FBXO31: variants seen among roughly 807,000 people sequenced by gnomAD.
FBXO31 encodes the protein F-box protein 31.
In FBXO31, 24 loss-of-function variants were observed where a neutral mutation model predicts 54.4. The observed-to-expected ratio is 0.44, with a 90% CI of 0.32 to 0.62. The LOEUF is 0.62. Among genes scored for constraint, FBXO31 ranks in the 20% least tolerant of loss-of-function variants. FBXO31 has a pLI of 0.05. For synonymous variants in FBXO31, 388 were observed against 335.6 expected (o/e 1.16, Z -1.71); for missense variants, 665 against 787.1 (o/e 0.84, Z 1.86).
chr16:87,337,452 G>A lies in FBXO31; in HGVS notation c.733-1188C>T, dbSNP rs543677539. 3.9e-5 allele frequency among the ~76,000 whole-genome samples: 6 copies of A among 152,278 alleles called. No homozygotes were observed. The South Asian group carries it at 1.0e-3, about 26-fold the overall frequency. ...ACTCGCCAAGTCTGAAATTCCTACG[G>A]AAAAGCAAAGAACTGGGACAGACAG... On this transcript the variant is annotated intron_variant, in intron 5 of 8. Transcript: ENST00000311635.
rs147472762 is a variant in FBXO31 at position 87,352,477 on chromosome 16, G to C, written c.413-5227C>G. On this transcript the variant is annotated intron_variant, in intron 2 of 8. Transcript: ENST00000311635. The stretch of plus-strand genomic sequence containing the variant: ...CCAAAAAAAAAATTGTTAATATCTG[G>C]GTAAAGGCTAAAACGAAAGAAAATA... Among the ~76,000 whole-genome samples, 729 of 152,198 alleles carry C rather than the reference G, an allele frequency of 4.8e-3. 5 individuals are homozygous for C. The highest frequency in any genetic ancestry group is 0.017 in the African/African-American group (707 of 41,540).
At position 87,378,778 on chromosome 16, in the gene FBXO31, G is replaced by A. The variant is rs576006543; in HGVS notation, c.340+4627C>T. Among the ~76,000 whole-genome samples, 9 of 152,162 alleles carry A rather than the reference G, an allele frequency of 5.9e-5. No homozygotes were observed. In the South Asian group the frequency reaches 1.2e-3, roughly 21 times the overall value. Reference sequence around the variant, plus strand: ...AGATCGAGACCAACCTGGCTAACACGGTGAAACCCCGTCTCTACTAAAAAG... The same window carrying A: ...AGATCGAGACCAACCTGGCTAACACAGTGAAACCCCGTCTCTACTAAAAAG... On this transcript the variant is annotated intron_variant, in intron 1 of 8. Transcript: ENST00000311635.
intron 2 of FBXO31, among the ~76,000 whole-genome samples, chr16:87,355,019 T>G (rs1905832384): frequency 6.6e-6 from 1 of 151,964 alleles, no homozygotes; most frequent in African/African-American, 2.4e-5. Flanking sequence ...GTCCCAGCCT[T>G]CTACCGTATG....
chr16:87,347,356 T>A, intron 2 of FBXO31, 106 bp from the exon 3 acceptor site: 1 of 918,760 alleles, frequency 1.1e-6, no homozygotes, highest in Non-Finnish European at 1.8e-6. Context: ...CACAAAAGGC[T>A]TGCAAGAGCC....
rs777976250 is a variant in FBXO31, at chr16:87,336,247, C to T, written c.750G>A (p.Leu250=). 9.9e-6 allele frequency: 16 copies of T among 1,614,056 alleles called. No individual in the cohort carries two copies. Among genetic ancestry groups the T allele is most frequent in the Non-Finnish European group, 1.2e-5 (14 of 1,180,040 alleles). Residue 250 remains leucine, a synonymous_variant, in exon 6 of 9, where the codon CTG becomes CTA. Coordinates refer to ENST00000311635, the MANE Select transcript of FBXO31 (RefSeq NM_024735.5). This position sits in a 1 kb window ranked among gnomAD's most constrained non-coding sequence, Gnocchi z 6.5. ...CCAGCGTGCGCCCCCATTCCTCCCT[C>T]AGCCACGTCCGAAACTCCTTCCAAA... is the stretch of plus-strand genomic sequence containing the variant. ...GGRQEEFRTW[L]REEWGRTLED...
chr16:87,361,968 A>G (rs887008243), intron 1 of FBXO31, among the ~76,000 whole-genome samples: 7 of 152,198 alleles, frequency 4.6e-5, no homozygotes, highest in African/African-American at 1.7e-4. Context: ...GGGAAACTAC[A>G]TCCTAAATCC....
intron 2 of FBXO31, among the ~76,000 whole-genome samples, chr16:87,350,633 T>TG: frequency 6.6e-6 from 1 of 152,308 alleles, no homozygotes; most frequent in Admixed American, 6.5e-5. Context: ...GATGGACTGC[T>TG]GGGCGGCTGG....
intron 2 of FBXO31, among the ~76,000 whole-genome samples, chr16:87,352,699 G>A (rs969490897): frequency 6.6e-6 from 1 of 152,206 alleles, no homozygotes; most frequent in Admixed American, 6.5e-5. Context: ...GAGAGCCTGG[G>A]AAACGTCAGA....
At chr16:87,390,926 T>C (rs182696196), upstream of FBXO31, among the ~76,000 whole-genome samples, 356 of 152,294 alleles carry the variant, frequency 2.3e-3, 1 homozygote, top group African/African-American at 8.2e-3. Flanking sequence ...GATTCAAGCT[T>C]ACAGTGTAGA....
In FBXO31 at chr16:87,346,708, C is replaced by T. The variant is rs1905401922; in HGVS notation, c.489+466G>A. On this transcript the variant is annotated intron_variant, in intron 3 of 8. Coordinates refer to ENST00000311635, the MANE Select transcript of FBXO31 (RefSeq NM_024735.5). The surrounding 1 kb of genome is among the most constrained non-coding windows in gnomAD (Gnocchi z 4.2). ...CTCAACAAAGTCAGAGCAGGGCTTT[C>T]CGTTCGAGAGGCTCCAGTAGGAGGG... Among the ~76,000 whole-genome samples, 1 of 152,224 alleles carries T rather than the reference C, an allele frequency of 6.6e-6. No homozygotes were observed. The highest frequency in any genetic ancestry group is 2.4e-5 in the African/African-American group (1 of 41,462).
At position 87,334,221 on chromosome 16, in the gene FBXO31, C is replaced by A. The variant is rs1454859155; in HGVS notation, c.1062G>T (p.Leu354=). 6.2e-7 allele frequency: 1 copy of A among 1,611,372 alleles called. No individual in the cohort carries two copies. The change falls in exon 8 of 9, where the codon CTG becomes CTT. Residue 354 remains leucine (L), a synonymous_variant. Coordinates refer to ENST00000311635, the MANE Select transcript of FBXO31 (RefSeq NM_024735.5). ...VEIDLRHRIQ[L]PDLENQRNFN... ...AGTTGCGCTGGTTCTCGAGGTCGGG[C>A]AGCTGGATCCGATGCCTCAGGTCGA...
chr16:87,354,953 G>A (rs924290482), intron 2 of FBXO31, among the ~76,000 whole-genome samples: 29 of 152,118 alleles, frequency 1.9e-4, no homozygotes, highest in African/African-American at 7.0e-4. Flanking sequence ...GGTGACACTG[G>A]GTGAGACTCA....
upstream of FBXO31, among the ~76,000 whole-genome samples, chr16:87,384,899 G>A (rs557360457): frequency 2.2e-4 from 33 of 149,056 alleles, no homozygotes; most frequent in South Asian, 1.7e-3. Flanking sequence ...AAATGGCTGG[G>A]CGCGGTGGCT....
At chr16:87,376,976 C>T (rs1225916172) in intron 1 of FBXO31, among the ~76,000 whole-genome samples, 1 of 152,232 alleles carries the variant, frequency 6.6e-6, no homozygotes, top group Non-Finnish European at 1.5e-5. Context: ...AGTAAGACAC[C>T]TGTAATACCA....
chr16:87,390,309 G>C (rs1006688760), upstream of FBXO31, among the ~76,000 whole-genome samples: 4 of 152,096 alleles, frequency 2.6e-5, no homozygotes, highest in Admixed American at 2.6e-4. Context: ...ATAAACAGTG[G>C]TGTAATAAAG....
chr16:87,331,126 A>T lies in FBXO31; in HGVS notation c.*162T>A. 1.6e-6 allele frequency: 1 copy of T among 634,906 alleles called. No individual in the cohort carries two copies. The highest frequency in any genetic ancestry group is 2.8e-6 in the Non-Finnish European group (1 of 360,810). The allele number at this position is 634,906 out of a possible 1,614,324, so 39.3% of individuals were successfully genotyped here. A position where few individuals can be genotyped will look rare whatever the true frequency, so the allele number is the denominator to read the frequency against. On this transcript the variant is annotated 3_prime_UTR_variant, in exon 9 of 9. Coordinates refer to ENST00000311635, the MANE Select transcript of FBXO31 (RefSeq NM_024735.5). ...TGACAAATATGCAGGTCTATGTCAC[A>T]CTCTCTACATAAAGTGCTGGGGGGT...
intron 2 of FBXO31, among the ~76,000 whole-genome samples, chr16:87,351,949 T>TCGG (rs1905679994): frequency 6.6e-6 from 1 of 152,098 alleles, no homozygotes; most frequent in African/African-American, 2.4e-5. Context: ...CCACCCTGAC[T>TCGG]GCGCGTCAGA....
chr16:87,383,783 G>A (rs1907200389), upstream of FBXO31: 3 of 1,162,992 alleles, frequency 2.6e-6, no homozygotes, highest in Admixed American at 9.3e-5. The surrounding 1 kb of genome is among the most constrained non-coding windows in gnomAD (Gnocchi z 4.9). Flanking sequence ...CTGTGCGCAC[G>A]CTCCAGCGCG....
chr16:87,352,609 G>A (rs548841844), intron 2 of FBXO31, among the ~76,000 whole-genome samples: 6 of 152,326 alleles, frequency 3.9e-5, no homozygotes, highest in Admixed American at 1.3e-4. Flanking sequence ...GGCCAGGGAA[G>A]CCGTGTCCAT....
Sources: gnomAD v4.1 joint callset for allele counts (sites outside exome capture counted in the v4.1 genomes callset) on GRCh38, gnomAD v4.1.1 for gene constraint, Gnocchi (gnomAD v3.1) non-coding constraint, MANE v1.5 for transcripts, NCBI Gene and HGNC (gene_info 2026-07-23, HGNC 2026-07-21) for gene names.